The following NEK10 variants were observed in gnomAD, a reference collection of about 807,000 sequenced individuals.
NEK10 encodes the protein NIMA related kinase 10, also known as serine/threonine-protein kinase Nek10.
In NEK10, 122 loss-of-function variants were observed where a neutral mutation model predicts 159.8. That is an observed-to-expected ratio of 0.76 (90% confidence interval 0.66 to 0.89). The LOEUF is 0.89. NEK10 is among the 40% of genes least tolerant of loss of function. NEK10 has a pLI of 0.00. For synonymous variants in NEK10, 466 were observed against 457.1 expected (o/e 1.02, Z -0.25); for missense variants, 1,342 against 1,323.1 (o/e 1.01, Z -0.22).
chr3:27,147,990 T>C (rs1173633296), intron 30 of NEK10, among the ~76,000 whole-genome samples: 1 of 152,252 alleles, frequency 6.6e-6, no homozygotes, highest in African/African-American at 2.4e-5. Flanking sequence ...CTTTAAGAAT[T>C]GTGCTTTTGC....
At chr3:27,143,216 G>GT (rs1194128698) in intron 30 of NEK10, among the ~76,000 whole-genome samples, 1 of 152,184 alleles carries the variant, frequency 6.6e-6, no homozygotes, top group African/African-American at 2.4e-5. Flanking sequence ...TAGACAGTGT[G>GT]TAACATGACC....
chr3:27,298,108 A>T (rs2043504736), intron 13 of NEK10, among the ~76,000 whole-genome samples: 1 of 152,122 alleles, frequency 6.6e-6, no homozygotes, highest in Non-Finnish European at 1.5e-5. Context: ...TTAACCGTTT[A>T]TGTTTTTAAT....
chr3:27,237,600 TGAGTATGCAAAGGCATAA>T (rs1954080936), intron 23 of NEK10, among the ~76,000 whole-genome samples: 1 of 151,726 alleles, frequency 6.6e-6, no homozygotes, highest in African/African-American at 2.4e-5. Flanking sequence ...AGCTAAACTG[TGAGTATGCAAAGGCATAA>T]GAATGATATA....
At chr3:27,229,566 A>G (rs1953009090) in intron 23 of NEK10, among the ~76,000 whole-genome samples, 1 of 152,174 alleles carries the variant, frequency 6.6e-6, no homozygotes, top group African/African-American at 2.4e-5. Flanking sequence ...GTTGATTATT[A>G]AGTTACTCAA....
intron 1 of NEK10, among the ~76,000 whole-genome samples, chr3:27,357,680 C>G (rs2048411172): frequency 6.6e-6 from 1 of 152,102 alleles, no homozygotes; most frequent in Non-Finnish European, 1.5e-5. Context: ...GCTCATGGAC[C>G]AGTGACACAC....
intron 35 of NEK10, among the ~76,000 whole-genome samples, chr3:27,115,131 G>A (rs35211759): frequency 0.031 from 4,784 of 152,210 alleles, 98 homozygotes; most frequent in South Asian, 0.048. Context: ...AATGACTGAT[G>A]GAGATTGGAG....
At chr3:27,236,501 A>G (rs932560130) in intron 23 of NEK10, among the ~76,000 whole-genome samples, 2 of 152,124 alleles carry the variant, frequency 1.3e-5, no homozygotes, top group Non-Finnish European at 2.9e-5. Context: ...CAATATTTCA[A>G]TGTAGGTTCT....
At chr3:27,357,262 A>G (rs1015272594) in intron 1 of NEK10, among the ~76,000 whole-genome samples, 3 of 152,218 alleles carry the variant, frequency 2.0e-5, no homozygotes, top group Non-Finnish European at 4.4e-5. Flanking sequence ...CAAATAATAA[A>G]TATTTATTGA....
At chr3:27,362,186 T>C (rs2048736731) in intron 1 of NEK10, among the ~76,000 whole-genome samples, 1 of 152,138 alleles carries the variant, frequency 6.6e-6, no homozygotes, top group African/African-American at 2.4e-5. Context: ...ACAACGGGCC[T>C]GGCCAGTGAA....
At chr3:27,257,736 G>C (rs1038256428) in intron 22 of NEK10, among the ~76,000 whole-genome samples, 115 of 151,810 alleles carry the variant, frequency 7.6e-4, no homozygotes, top group African/African-American at 2.2e-3. Context: ...TGAGCAACTT[G>C]AGTAACCCTG....
chr3:27,353,236 T>C (rs970858047), intron 1 of NEK10, among the ~76,000 whole-genome samples: 1 of 152,168 alleles, frequency 6.6e-6, no homozygotes, highest in Non-Finnish European at 1.5e-5. Flanking sequence ...AGAATAGAAA[T>C]AGAAAGTTGA....
chr3:27,324,584 C>T (rs895497880), intron 5 of NEK10, among the ~76,000 whole-genome samples: 1 of 152,162 alleles, frequency 6.6e-6, no homozygotes, highest in African/African-American at 2.4e-5. Flanking sequence ...CTATCCACTT[C>T]TCACTATTTC....
At chr3:27,235,760 G>A (rs569743466) in intron 23 of NEK10, among the ~76,000 whole-genome samples, 1 of 152,088 alleles carries the variant, frequency 6.6e-6, no homozygotes, top group South Asian at 2.1e-4. Flanking sequence ...TCCATTACTG[G>A]GTATATACCC....
intron 1 of NEK10, among the ~76,000 whole-genome samples, chr3:27,356,520 A>G (rs1394366731): frequency 2.0e-5 from 3 of 152,166 alleles, no homozygotes; most frequent in Admixed American, 6.5e-5. Context: ...TTAAAAATAA[A>G]CTAATAAATA....
At position 27,106,845 on chromosome 3, in the gene NEK10, C is replaced by A. The variant is rs917649784; in HGVS notation, c.*4427G>T. Among the ~76,000 whole-genome samples the A allele has an allele frequency of 2.0e-5, 3 of 152,178 alleles. No individual in the cohort carries two copies. Among genetic ancestry groups the A allele is most frequent in the Non-Finnish European group, 2.9e-5 (2 of 68,024 alleles). Reference sequence around the variant, plus strand: ...AGCCATAATCCTCCATACATAAAGACAAAATTCTATCTTTGTTTAGGAGAA... The same window carrying A: ...AGCCATAATCCTCCATACATAAAGAAAAAATTCTATCTTTGTTTAGGAGAA... On this transcript the variant is annotated 3_prime_UTR_variant, in exon 36 of 36. Coordinates refer to ENST00000691995, the MANE Select transcript of NEK10 (RefSeq NM_001394966.1).
intron 22 of NEK10, among the ~76,000 whole-genome samples, chr3:27,256,581 A>C (rs1243176587): frequency 6.6e-6 from 1 of 152,240 alleles, no homozygotes; most frequent in Non-Finnish European, 1.5e-5. Context: ...CAAAGTACTT[A>C]TTGAAACTGT....
chr3:27,346,260 C>G (rs369097545), intron 3 of NEK10, 44 bp from the exon 4 acceptor site: 3 of 1,607,170 alleles, frequency 1.9e-6, no homozygotes, highest in Non-Finnish European at 2.6e-6. Flanking sequence ...CACAATTCAG[C>G]ACGGGATAAA....
intron 25 of NEK10, among the ~76,000 whole-genome samples, chr3:27,196,040 A>G (rs1293218184): frequency 1.3e-5 from 2 of 152,210 alleles, no homozygotes; most frequent in African/African-American, 4.8e-5. Flanking sequence ...CAAAGAAAGA[A>G]GTAAAAACTA....
chr3:27,210,867 T>G (rs1002014244), intron 23 of NEK10, among the ~76,000 whole-genome samples: 1 of 152,184 alleles, frequency 6.6e-6, no homozygotes, highest in Non-Finnish European at 1.5e-5. Flanking sequence ...ACACTCCACC[T>G]GGAAGAGTTG....
Sources: allele counts gnomAD v4.1 joint callset (sites outside exome capture counted in the v4.1 genomes callset), GRCh38; gene constraint gnomAD v4.1.1; transcripts MANE v1.5; gene names NCBI Gene and HGNC (gene_info 2026-07-23, HGNC 2026-07-21).